The following CHMP4B variants were observed in gnomAD, a reference collection of about 807,000 sequenced individuals.
CHMP4B encodes SNF7 homolog associated with Alix 1.
In CHMP4B, 1 loss-of-function variant was observed where a neutral mutation model predicts 25.1. That is an observed-to-expected ratio of 0.04 (90% confidence interval 0.01 to 0.19). The LOEUF is 0.19. Ranked by LOEUF, CHMP4B falls within the 10% of genes least tolerant of loss-of-function variation. CHMP4B has a pLI of 1.00. For synonymous variants in CHMP4B, 101 were observed against 115.6 expected (o/e 0.87, Z 0.81); for missense variants, 151 against 289.7 (o/e 0.52, Z 3.48).
Position 33,833,373 on chromosome 20 carries a change from G to A in CHMP4B, c.191-15094G>A, listed in dbSNP as rs140740546. ...TTTCCTTCTGTTGTACATTCAAACA[G>A]GTGATACAGGCCCATGGTCTTCCCT... On this transcript the variant is annotated intron_variant, in intron 1 of 4. Coordinates refer to ENST00000217402, the MANE Select transcript of CHMP4B (RefSeq NM_176812.5). Among the ~76,000 whole-genome samples the A allele has an allele frequency of 5.0e-4, 76 of 152,254 alleles. No individual in the cohort carries two copies. The Middle Eastern group carries it at 0.017, about 34-fold the overall frequency.
At chr20:33,822,966 T>C (rs1317671194) in intron 1 of CHMP4B, among the ~76,000 whole-genome samples, 1 of 151,750 alleles carries the variant, frequency 6.6e-6, no homozygotes, top group Non-Finnish European at 1.5e-5. Flanking sequence ...TTTTTTGTAT[T>C]TTTAGTAGAG....
At chr20:33,826,875 C>T (rs1242323061) in intron 1 of CHMP4B, among the ~76,000 whole-genome samples, 2 of 152,170 alleles carry the variant, frequency 1.3e-5, no homozygotes, top group Non-Finnish European at 2.9e-5. Context: ...GTGCATTTCA[C>T]TCCCAGCTGG....
At chr20:33,829,794 T>C (rs973788872) in intron 1 of CHMP4B, among the ~76,000 whole-genome samples, 3 of 152,184 alleles carry the variant, frequency 2.0e-5, no homozygotes, top group African/African-American at 4.8e-5. Flanking sequence ...GTGCCTAATG[T>C]AGGGTCAGCC....
chr20:33,821,610 A>C (rs145416538), intron 1 of CHMP4B, among the ~76,000 whole-genome samples: 43 of 151,996 alleles, frequency 2.8e-4, no homozygotes, highest in African/African-American at 9.9e-4. Context: ...GGAGACATTG[A>C]CTGACAAGAC....
chr20:33,814,699 G>T (rs546816988), intron 1 of CHMP4B, among the ~76,000 whole-genome samples: 4 of 152,270 alleles, frequency 2.6e-5, no homozygotes, highest in African/African-American at 7.2e-5. Context: ...CTGACATCCA[G>T]GCCGAAGTGC....
chr20:33,815,778 G>A (rs1468294304), intron 1 of CHMP4B, among the ~76,000 whole-genome samples: 1 of 152,170 alleles, frequency 6.6e-6, no homozygotes. Flanking sequence ...ACGACGGGAC[G>A]AACTCAACTC....
At chr20:33,843,111 T>G (rs1452006226) in intron 1 of CHMP4B, among the ~76,000 whole-genome samples, 1 of 152,232 alleles carries the variant, frequency 6.6e-6, no homozygotes, top group Non-Finnish European at 1.5e-5. Context: ...TGAACGTCTT[T>G]TTGACTGGTC....
At chr20:33,820,017 A>G (rs1183675760) in intron 1 of CHMP4B, among the ~76,000 whole-genome samples, 1 of 151,912 alleles carries the variant, frequency 6.6e-6, no homozygotes, top group Non-Finnish European at 1.5e-5. Flanking sequence ...AATACAAAAA[A>G]AAAAACCAAA....
intron 1 of CHMP4B, among the ~76,000 whole-genome samples, chr20:33,814,495 C>T (rs989399303): frequency 9.2e-5 from 14 of 152,022 alleles, no homozygotes; most frequent in South Asian, 2.1e-4. Context: ...GGAAGGAGAA[C>T]GTGAGGTGGG....
chr20:33,831,696 G>A (rs1178835558), intron 1 of CHMP4B, among the ~76,000 whole-genome samples: 1 of 152,032 alleles, frequency 6.6e-6, no homozygotes, highest in African/African-American at 2.4e-5. Context: ...TTCTCTCAGT[G>A]TTTCAGTGTC....
intron 1 of CHMP4B, among the ~76,000 whole-genome samples, chr20:33,824,482 A>T (rs992120892): frequency 1.3e-5 from 2 of 152,190 alleles, no homozygotes; most frequent in African/African-American, 4.8e-5. Context: ...ACACAGTGGG[A>T]CTAGTGCCAA....
At chr20:33,828,742 A>C (rs76495242) in intron 1 of CHMP4B, among the ~76,000 whole-genome samples, 2,763 of 151,760 alleles carry the variant, frequency 0.018, 79 homozygotes, top group African/African-American at 0.063. Flanking sequence ...ATAAATAGTA[A>C]TTTTTGGTGC....
chr20:33,835,724 A>T (rs758001131), intron 1 of CHMP4B, among the ~76,000 whole-genome samples: 2 of 152,216 alleles, frequency 1.3e-5, no homozygotes, highest in Non-Finnish European at 2.9e-5. Context: ...TATAAAGAAA[A>T]GAGGTTTATT....
intron 1 of CHMP4B, among the ~76,000 whole-genome samples, chr20:33,839,532 C>G (rs1422678090): frequency 1.3e-5 from 2 of 152,124 alleles, no homozygotes; most frequent in African/African-American, 4.8e-5. Flanking sequence ...TTAAAATCTA[C>G]TAGAAAAAAA....
At chr20:33,815,593 C>G (rs1213719660) in intron 1 of CHMP4B, among the ~76,000 whole-genome samples, 2 of 152,138 alleles carry the variant, frequency 1.3e-5, no homozygotes, top group African/African-American at 4.8e-5. Context: ...GCTCAGCATC[C>G]CCTGAAACTG....
At chr20:33,844,981 G>T (rs192367629) in intron 1 of CHMP4B, among the ~76,000 whole-genome samples, 2 of 152,112 alleles carry the variant, frequency 1.3e-5, no homozygotes, top group East Asian at 1.9e-4. Flanking sequence ...GGATGGTCTT[G>T]ATCTCCTGAC....
chr20:33,849,178 G>A (rs1979770491), intron 2 of CHMP4B, among the ~76,000 whole-genome samples: 2 of 152,194 alleles, frequency 1.3e-5, no homozygotes, highest in South Asian at 2.1e-4. Context: ...GCCCTCAGCA[G>A]TCCTTCTTCC....
chr20:33,811,396 G>A lies in CHMP4B; in HGVS notation c.-73G>A. The A allele has an allele frequency of 7.9e-7, 1 of 1,272,816 alleles. No individual in the cohort carries two copies. 78.8% of individuals were successfully genotyped at this position (1,272,816 alleles called of 1,614,324 possible). ...GCGGCGGGACTGGGAGCGGGCGCCG[G>A]AGCCGACCCGAGCCGAGCCGAGCCG... On this transcript the variant is annotated 5_prime_UTR_variant, in exon 1 of 5. Transcript: ENST00000217402.
Position 33,811,636 on chromosome 20 carries a change from G to C in CHMP4B, c.168G>C (p.Lys56Asn). 1 of 1,613,854 alleles carries C rather than the reference G, an allele frequency of 6.2e-7. No homozygotes were observed. Among genetic ancestry groups the C allele is most frequent in the African/African-American group, 1.3e-5 (1 of 75,052 alleles). ...AGCAGGAGCTGACGGCCGCCAAGAA[G>C]CACGGCACCAAAAACAAGCGCGGTG... Reference protein sequence around the residue: ...KIEQELTAAKKHGTKNKRAAL... With the variant: ...KIEQELTAAKNHGTKNKRAAL... Residue 56 changes from lysine (K) to asparagine (N), a missense_variant, in exon 1 of 5, where the codon AAG becomes AAC. Physicochemically the swap from Lys to Asn is moderately conservative, Grantham distance 94. Coordinates refer to ENST00000217402, the MANE Select transcript of CHMP4B (RefSeq NM_176812.5).
Sources: allele counts gnomAD v4.1 joint callset (sites outside exome capture counted in the v4.1 genomes callset), GRCh38; gene constraint gnomAD v4.1.1; transcripts MANE v1.5; gene names NCBI Gene and HGNC (gene_info 2026-07-23, HGNC 2026-07-21).